The following KLF8 variants were observed in gnomAD, a reference collection of about 807,000 sequenced individuals.
KLF8 encodes the protein KLF transcription factor 8, also known as Krueppel-like factor 8.
In KLF8, 10 loss-of-function variants were observed where a neutral mutation model predicts 18.2. That is an observed-to-expected ratio of 0.55 (90% CI 0.34 to 0.93). The LOEUF (loss-of-function observed/expected upper bound fraction) is 0.93. Among genes scored for constraint, KLF8 ranks in the 40% least tolerant of loss-of-function variants. KLF8 has a pLI of 0.02. For missense variants in KLF8, 264 were observed against 277.9 expected (o/e 0.95, Z 0.36); for synonymous variants, 109 against 97.3 (o/e 1.12, Z -0.71).
chrX:56,243,315 A>T, intron 1 of KLF8: 1 of 349,281 alleles, frequency 2.9e-6, no homozygotes, highest in Middle Eastern at 9.1e-4. Context: ...GTGGTTGTGG[A>T]CACCTTTCAA....
the KLF8 span, among the ~76,000 whole-genome samples, chrX:56,056,414 G>C: frequency 2.7e-5 from 3 of 109,108 alleles, 1 homozygote; most frequent in East Asian, 8.7e-4. Flanking sequence ...ATTGTTCTCT[G>C]TCTCTCTGAT....
chrX:55,932,524 A>G, the KLF8 span, among the ~76,000 whole-genome samples: 2 of 111,363 alleles, frequency 1.8e-5, no homozygotes. Context: ...TCCTTTCCAT[A>G]TTTAGTGCTT....
chrX:56,041,743 G>C, the KLF8 span, among the ~76,000 whole-genome samples: 2 of 110,760 alleles, frequency 1.8e-5, no homozygotes, highest in African/African-American at 6.6e-5. Flanking sequence ...AGGCTGGAGT[G>C]CAGTGGCATG....
chrX:55,961,639 C>T, the KLF8 span: 1 of 418,918 alleles, frequency 2.4e-6, no homozygotes, highest in Non-Finnish European at 4.5e-6. Context: ...CTGTTTTCTG[C>T]AAAGATTTTT....
At chrX:56,060,837 T>C in the KLF8 span, among the ~76,000 whole-genome samples, 1 of 111,929 alleles carries the variant, frequency 8.9e-6, no homozygotes, top group Non-Finnish European at 1.9e-5. Context: ...GTTTTTTTGG[T>C]TGGTAGGCTA....
chrX:56,111,884 G>A, the KLF8 span, among the ~76,000 whole-genome samples: 2 of 112,096 alleles, frequency 1.8e-5, no homozygotes, highest in South Asian at 7.4e-4. Context: ...ACTGTTGGTG[G>A]GAGTGTAAAT....
At chrX:56,064,925 C>T in the KLF8 span, among the ~76,000 whole-genome samples, 1 of 111,360 alleles carries the variant, frequency 9.0e-6, no homozygotes, top group Non-Finnish European at 1.9e-5. Flanking sequence ...TTATCCAATT[C>T]TCTCCTGGCA....
chrX:56,270,647 T>G (rs912530853), intron 5 of KLF8, among the ~76,000 whole-genome samples: 6 of 111,264 alleles, frequency 5.4e-5, no homozygotes, highest in Non-Finnish European at 9.4e-5. Flanking sequence ...TCTTTCTAAT[T>G]GCGGAGTCAA....
the KLF8 span, among the ~76,000 whole-genome samples, chrX:55,998,287 C>T: frequency 9.0e-6 from 1 of 110,876 alleles, no homozygotes; most frequent in South Asian, 4.0e-4. Flanking sequence ...ATGCCTTCCT[C>T]TTATACTAAT....
At chrX:56,222,270 A>C in the KLF8 span, among the ~76,000 whole-genome samples, 1 of 111,254 alleles carries the variant, frequency 9.0e-6, no homozygotes, top group Non-Finnish European at 1.9e-5. Context: ...TGATTGGTGC[A>C]TTTACAAACC....
At chrX:56,136,170 AC>A in the KLF8 span, among the ~76,000 whole-genome samples, 1 of 111,835 alleles carries the variant, frequency 8.9e-6, no homozygotes, top group Non-Finnish European at 1.9e-5. Context: ...AAATGACCAT[AC>A]TGCCCAAGGT....
chrX:56,073,927 A>G, the KLF8 span, among the ~76,000 whole-genome samples: 1 of 111,315 alleles, frequency 9.0e-6, no homozygotes, highest in Admixed American at 9.5e-5. Context: ...TTGTATTTTT[A>G]GTAGAGACGG....
At chrX:55,938,745 C>T in the KLF8 span, among the ~76,000 whole-genome samples, 47 of 111,109 alleles carry the variant, frequency 4.2e-4, no homozygotes, top group East Asian at 5.6e-3. Context: ...ATAAAACAGA[C>T]TTTAAACCAA....
At chrX:55,995,579 T>A in the KLF8 span, among the ~76,000 whole-genome samples, 2 of 112,262 alleles carry the variant, frequency 1.8e-5, no homozygotes, top group African/African-American at 3.2e-5. Flanking sequence ...TGTCTAGTGG[T>A]CACAAATATC....
At chrX:56,262,340 C>T (rs746719917) in intron 2 of KLF8, among the ~76,000 whole-genome samples, 2 of 111,816 alleles carry the variant, frequency 1.8e-5, no homozygotes, top group African/African-American at 6.5e-5. Context: ...TTTAGATGTT[C>T]CTACGTAATG....
At chrX:56,271,566 G>T (rs1319355109) in intron 5 of KLF8, among the ~76,000 whole-genome samples, 1 of 111,655 alleles carries the variant, frequency 9.0e-6, no homozygotes, top group Non-Finnish European at 1.9e-5. Flanking sequence ...TAGAATTTGT[G>T]TAGAAGGACC....
At chrX:55,962,894 C>A in the KLF8 span, among the ~76,000 whole-genome samples, 1 of 112,728 alleles carries the variant, frequency 8.9e-6, no homozygotes, top group African/African-American at 3.2e-5. Flanking sequence ...AGAAGACCTA[C>A]TTCTATCATG....
chrX:56,191,055 C>T, the KLF8 span, among the ~76,000 whole-genome samples: 1 of 111,051 alleles, frequency 9.0e-6, no homozygotes, highest in East Asian at 2.8e-4. Flanking sequence ...ACAAAACTGA[C>T]AAACCTTTAG....
the KLF8 span, among the ~76,000 whole-genome samples, chrX:56,004,307 G>A: frequency 8.9e-6 from 1 of 112,311 alleles, no homozygotes; most frequent in Non-Finnish European, 1.9e-5. Context: ...GAATGGTAAT[G>A]ATGGTAATGG....
Sources: gnomAD v4.1 joint callset for allele counts (sites outside exome capture counted in the v4.1 genomes callset) on GRCh38, gnomAD v4.1.1 for gene constraint, MANE v1.5 for transcripts, NCBI Gene and HGNC (gene_info 2026-07-23, HGNC 2026-07-21) for gene names.